YWHAZ: variants seen among roughly 807,000 people sequenced by gnomAD.
YWHAZ encodes 14-3-3 protein zeta/delta.
For synonymous variants in YWHAZ, 87 were observed against 103.6 expected, an observed-to-expected ratio of 0.84 and a Z score of 0.97; for missense variants, 79 against 284.8, an observed-to-expected ratio of 0.28 and a Z score of 5.20.
rs1810451246 is a variant in YWHAZ, at chr8:100,948,209, C to T, written c.294+387G>A. ...TATTTCTACAATGAGTATCCTATTA[C>T]ATCTCTCTTACCTAAAGTATGTAAA... On this transcript the variant is annotated intron_variant, in intron 2 of 5. Coordinates refer to ENST00000395958, the MANE Select transcript of YWHAZ (RefSeq NM_145690.3). The surrounding 1 kb of genome is among the most constrained non-coding windows in gnomAD (Gnocchi z 4.2). 1.5e-6 allele frequency: 2 copies of T among 1,364,158 alleles called. No homozygotes were observed. The highest frequency in any genetic ancestry group is 2.0e-6 in the Non-Finnish European group (2 of 1,011,210). 84.5% of individuals were successfully genotyped at this position (1,364,158 alleles called of 1,614,324 possible).
intron 2 of YWHAZ, among the ~76,000 whole-genome samples, chr8:100,939,816 TC>T (rs1814494828): frequency 3.3e-5 from 5 of 152,020 alleles, no homozygotes; most frequent in African/African-American, 1.2e-4. Flanking sequence ...GGTTAGGAGA[TC>T]GAGACCAACC....
rs1450597410 is a variant in YWHAZ, at chr8:100,936,119, T to C, written c.295-11080A>G. Among the ~76,000 whole-genome samples, 3 of 152,200 alleles carry C rather than the reference T, an allele frequency of 2.0e-5. No individual in the cohort carries two copies. In the East Asian group the frequency reaches 5.8e-4, roughly 29 times the overall value. The stretch of plus-strand genomic sequence containing the variant: ...AACCACCGTGCTATGTGCTGAGATT[T>C]GGGCTTGCCAACTAGAACACAAGAA... On this transcript the variant is annotated intron_variant, in intron 2 of 5. Coordinates refer to ENST00000395958, the MANE Select transcript of YWHAZ (RefSeq NM_145690.3).
rs765096380 is a variant in YWHAZ at position 100,924,115 on chromosome 8, G to GT, written c.582+19dup. The GT allele has an allele frequency of 4.4e-6, 7 of 1,608,488 alleles. No homozygotes were observed. In the East Asian group the frequency reaches 1.1e-4, roughly 26 times the overall value. ...ATAATAAAGACTGCTAAATTTCTACGTAACAGGTAAAATACATACTGTCTT... is the reference window on the plus strand; with the variant it reads ...ATAATAAAGACTGCTAAATTTCTACGTTAACAGGTAAAATACATACTGTCTT... On this transcript the variant is annotated intron_variant, in intron 4 of 5. Transcript: ENST00000395958. The surrounding 1 kb of genome is among the most constrained non-coding windows in gnomAD (Gnocchi z 5.7).
chr8:100,942,438 T>C (rs753017819), intron 2 of YWHAZ, among the ~76,000 whole-genome samples: 3 of 152,206 alleles, frequency 2.0e-5, no homozygotes, highest in Non-Finnish European at 4.4e-5. Flanking sequence ...ATCGGTTACA[T>C]AGAAATACAC....
At chr8:100,951,669 G>C in intron 1 of YWHAZ, 1 of 985,340 alleles carries the variant, frequency 1.0e-6, no homozygotes, top group African/African-American at 1.7e-5. Flanking sequence ...CCACCCCCGG[G>C]GGCAGGACGG....
rs1812884369 is a variant in YWHAZ at position 100,919,612 on chromosome 8, A to C, written c.*1081T>G. ...AGCTGCCAAGAGGGAATAAGGAATA[A>C]ATTTCAAAAAATGTACAATTTCCTT... On this transcript the variant is annotated 3_prime_UTR_variant, in exon 6 of 6. Coordinates refer to ENST00000395958, the MANE Select transcript of YWHAZ (RefSeq NM_145690.3). 1.3e-5 allele frequency: 2 copies of C among 152,548 alleles called. No homozygotes were observed. The highest frequency in any genetic ancestry group is 2.9e-5 in the Non-Finnish European group (2 of 68,046). 9.4% of individuals were successfully genotyped at this position (152,548 alleles called of 1,614,324 possible).
At chr8:100,930,660 T>C (rs1411571718) in intron 2 of YWHAZ, among the ~76,000 whole-genome samples, 2 of 152,178 alleles carry the variant, frequency 1.3e-5, no homozygotes, top group African/African-American at 4.8e-5. Flanking sequence ...TTCCCTCCCA[T>C]TAATTTTTTT....
chr8:100,946,188 G>A (rs1455479978), intron 2 of YWHAZ, among the ~76,000 whole-genome samples: 2 of 152,086 alleles, frequency 1.3e-5, no homozygotes, highest in Non-Finnish European at 2.9e-5. Context: ...CTCATCTACT[G>A]GTTCTATGCA....
intron 2 of YWHAZ, chr8:100,947,983 A>G (rs1365852503): frequency 1.2e-5 from 10 of 857,142 alleles, no homozygotes; most frequent in East Asian, 1.1e-4. Flanking sequence ...CAACACAGTA[A>G]GTACTGAATA....
chr8:100,948,460 C>T lies in YWHAZ; in HGVS notation c.294+136G>A. ...TGTCTTAACATCTTTTTAGTCATGA[C>T]ACCATGAAGACTTTTAAATTTGGAA... On this transcript the variant is annotated intron_variant, in intron 2 of 5. Transcript: ENST00000395958. The surrounding 1 kb of genome is among the most constrained non-coding windows in gnomAD (Gnocchi z 4.2). 1.0e-6 allele frequency: 1 copy of T among 967,696 alleles called. No homozygotes were observed. The allele number at this position is 967,696 out of a possible 1,614,324, so 59.9% of individuals were successfully genotyped here. A position where few individuals can be genotyped will look rare whatever the true frequency, so the allele number is the denominator to read the frequency against.
At chr8:100,940,040 G>A (rs1317761894) in intron 2 of YWHAZ, among the ~76,000 whole-genome samples, 2 of 143,134 alleles carry the variant, frequency 1.4e-5, no homozygotes, top group Non-Finnish European at 3.0e-5. Flanking sequence ...TCCAGCCTGG[G>A]GGACAGAGCG....
At chr8:100,929,705 A>G (rs1813627624) in intron 2 of YWHAZ, among the ~76,000 whole-genome samples, 1 of 152,246 alleles carries the variant, frequency 6.6e-6, no homozygotes, top group Non-Finnish European at 1.5e-5. Context: ...ATGGTAACAT[A>G]AAAGAGGCAA....
intron 2 of YWHAZ, among the ~76,000 whole-genome samples, chr8:100,933,285 G>A (rs1813885619): frequency 6.6e-6 from 1 of 152,036 alleles, no homozygotes; most frequent in South Asian, 2.1e-4. Flanking sequence ...CTTGAACCTG[G>A]GAGGTGGATG....
intron 1 of YWHAZ, chr8:100,951,727 G>C (rs1810803429): frequency 6.1e-6 from 6 of 985,468 alleles, no homozygotes; most frequent in Middle Eastern, 5.2e-4. Flanking sequence ...GAAGCAAGGA[G>C]CCGGAGGCGG....
In YWHAZ at chr8:100,920,846, G is replaced by C. The variant is rs1030783321; in HGVS notation, c.679-94C>G. On this transcript the variant is annotated intron_variant, in intron 5 of 5. Coordinates refer to ENST00000395958, the MANE Select transcript of YWHAZ (RefSeq NM_145690.3). ...AGTGCCAAGATACCTGAATGTTTTA[G>C]TTGGAAAGCATTCTTAAAAAGATAG... The C allele has an allele frequency of 1.6e-5, 15 of 958,524 alleles. No homozygotes were observed. The African/African-American group carries it at 2.5e-4, about 16-fold the overall frequency. The allele number at this position is 958,524 out of a possible 1,614,324, so 59.4% of individuals were successfully genotyped here.
intron 2 of YWHAZ, among the ~76,000 whole-genome samples, chr8:100,935,915 C>T (rs1194812338): frequency 6.6e-6 from 1 of 152,212 alleles, no homozygotes; most frequent in African/African-American, 2.4e-5. Context: ...CCCACCCCAC[C>T]ACTATCCCTT....
rs1812760312 is a variant in YWHAZ, at chr8:100,917,648, GGAGA to G, written c.*3041_*3044del. On this transcript the variant is annotated 3_prime_UTR_variant, in exon 6 of 6. Transcript: ENST00000395958. ...GCAGGAGAATCACTTCAGCCTGGGA[GGAGA>G]AGGTTGCAGTGAGCCGAGATCAGGC... 6.6e-6 allele frequency: 1 copy of G among 152,196 alleles called. No individual in the cohort carries two copies. The highest frequency in any genetic ancestry group is 6.5e-5 in the Admixed American group (1 of 15,282). The allele number at this position is 152,196 out of a possible 1,614,324, so 9.4% of individuals were successfully genotyped here. A position where few individuals can be genotyped will look rare whatever the true frequency, so the allele number is the denominator to read the frequency against.
rs1812904002 is a variant in YWHAZ at position 100,919,923 on chromosome 8, G to T, written c.*770C>A. Reference sequence around the variant, plus strand: ...TCCTAAAAAAAAGTTAAATACATGGGTTTTTGTTTTACTGCTGTGCTTGAT... The same window carrying T: ...TCCTAAAAAAAAGTTAAATACATGGTTTTTTGTTTTACTGCTGTGCTTGAT... On this transcript the variant is annotated 3_prime_UTR_variant, in exon 6 of 6. Transcript: ENST00000395958. 1 of 151,360 alleles carries T rather than the reference G, an allele frequency of 6.6e-6. No individual in the cohort carries two copies. The highest frequency in any genetic ancestry group is 6.6e-5 in the Admixed American group (1 of 15,138). 9.4% of individuals were successfully genotyped at this position (151,360 alleles called of 1,614,324 possible).
At chr8:100,950,475 G>A in intron 1 of YWHAZ, 1 of 985,550 alleles carries the variant, frequency 1.0e-6, no homozygotes, top group Non-Finnish European at 1.2e-6. Context: ...AAATTCTCCG[G>A]TCCGCGTATC....
Sources: allele counts gnomAD v4.1 joint callset (sites outside exome capture counted in the v4.1 genomes callset), GRCh38; gene constraint gnomAD v4.1.1; non-coding constraint Gnocchi (gnomAD v3.1); transcripts MANE v1.5; gene names NCBI Gene and HGNC (gene_info 2026-07-23, HGNC 2026-07-21).